Variants in EXOC4 observed in about 807,000 individuals in gnomAD.
EXOC4 encodes the protein exocyst complex component 4.
Under a neutral mutation model 107.2 loss-of-function variants are expected in EXOC4, and 71 were observed. The observed-to-expected ratio is 0.66, with a 90% CI of 0.55 to 0.81. The LOEUF is 0.81. Among genes scored for constraint, EXOC4 ranks in the 30% least tolerant of loss-of-function variants. The pLI, the probability that EXOC4 is intolerant of heterozygous loss-of-function variation, is 0.00. For synonymous variants in EXOC4, 456 were observed against 441.2 expected (o/e 1.03, Z -0.42); for missense variants, 1,108 against 1,189.6 (o/e 0.93, Z 1.01).
the EXOC4 span, among the ~76,000 whole-genome samples, chr7:134,098,118 A>G: frequency 6.6e-6 from 1 of 152,186 alleles, no homozygotes; most frequent in African/African-American, 2.4e-5. Context: ...CTTTTCAACC[A>G]AGATCCCTGC....
chr7:133,751,469 A>C (rs540469896), intron 10 of EXOC4, among the ~76,000 whole-genome samples: 4 of 152,328 alleles, frequency 2.6e-5, no homozygotes, highest in African/African-American at 9.6e-5. Flanking sequence ...ATTTGTCAGC[A>C]TGTAAGGGGG....
intron 7 of EXOC4, among the ~76,000 whole-genome samples, chr7:133,466,840 T>G (rs1798741171): frequency 6.6e-6 from 1 of 152,116 alleles, no homozygotes; most frequent in Non-Finnish European, 1.5e-5. Context: ...ATTTTAAAAG[T>G]CAATGTATTA....
At chr7:133,286,824 C>T (rs1318411923) in intron 2 of EXOC4, among the ~76,000 whole-genome samples, 1 of 152,188 alleles carries the variant, frequency 6.6e-6, no homozygotes, top group Non-Finnish European at 1.5e-5. Context: ...CTCCTGTTTT[C>T]TGTGCAGTGT....
intron 11 of EXOC4, among the ~76,000 whole-genome samples, chr7:133,870,842 C>T (rs903053300): frequency 2.0e-5 from 3 of 152,202 alleles, no homozygotes; most frequent in Non-Finnish European, 2.9e-5. Context: ...TTCATAAGCT[C>T]TGTCATTTTT....
intron 9 of EXOC4, chr7:133,484,300 G>A (rs1584952249): frequency 1.2e-6 from 1 of 838,620 alleles, no homozygotes; most frequent in South Asian, 2.3e-5. Flanking sequence ...CTGCGGAGAT[G>A]TGGGTGCTGC....
intron 4 of EXOC4, among the ~76,000 whole-genome samples, chr7:133,315,754 A>C (rs1794977241): frequency 6.6e-6 from 1 of 152,154 alleles, no homozygotes; most frequent in Non-Finnish European, 1.5e-5. Context: ...ATTCCTGGTA[A>C]ATGCTTTCTG....
chr7:133,723,136 C>T (rs1275983216), intron 10 of EXOC4, among the ~76,000 whole-genome samples: 1 of 152,196 alleles, frequency 6.6e-6, no homozygotes, highest in African/African-American at 2.4e-5. Context: ...ATTTGTGCTA[C>T]ATGTCTGTTG....
At chr7:133,523,046 C>T (rs974669273) in intron 9 of EXOC4, among the ~76,000 whole-genome samples, 6 of 152,084 alleles carry the variant, frequency 3.9e-5, no homozygotes, top group Non-Finnish European at 7.3e-5. Context: ...AGAAATACAT[C>T]GAAAGCTGTA....
At chr7:133,868,359 A>T (rs1170350743) in intron 11 of EXOC4, among the ~76,000 whole-genome samples, 1 of 152,166 alleles carries the variant, frequency 6.6e-6, no homozygotes, top group Non-Finnish European at 1.5e-5. Context: ...GGTAGAAGAG[A>T]GGTGGGAATT....
intron 10 of EXOC4, among the ~76,000 whole-genome samples, chr7:133,706,471 T>G (rs1162382543): frequency 6.6e-6 from 1 of 152,190 alleles, no homozygotes; most frequent in Non-Finnish European, 1.5e-5. Flanking sequence ...CTAAGAGCCC[T>G]CTCTGATAGG....
At chr7:133,954,691 C>G (rs1337723295) in intron 14 of EXOC4, among the ~76,000 whole-genome samples, 1 of 152,224 alleles carries the variant, frequency 6.6e-6, no homozygotes, top group Admixed American at 6.5e-5. Flanking sequence ...CCACTGGGCT[C>G]ACTTGACCTG....
At chr7:133,320,290 G>T (rs932850427) in intron 5 of EXOC4, among the ~76,000 whole-genome samples, 18 of 152,166 alleles carry the variant, frequency 1.2e-4, no homozygotes, top group African/African-American at 4.1e-4. Flanking sequence ...TAAAATCAAG[G>T]TGTTGGCAGG....
intron 5 of EXOC4, among the ~76,000 whole-genome samples, chr7:133,330,868 G>C (rs1241129493): frequency 2.0e-5 from 3 of 151,944 alleles, no homozygotes; most frequent in Non-Finnish European, 2.9e-5. Context: ...GATCTCACTG[G>C]GAGCTGCAAA....
intron 11 of EXOC4, among the ~76,000 whole-genome samples, chr7:133,864,605 G>T (rs575302582): frequency 6.6e-6 from 1 of 152,100 alleles, no homozygotes; most frequent in African/African-American, 2.4e-5. Context: ...TGACTTTTAC[G>T]ACATTTACAT....
At chr7:133,646,484 C>G (rs569784437) in intron 10 of EXOC4, among the ~76,000 whole-genome samples, 1 of 151,560 alleles carries the variant, frequency 6.6e-6, no homozygotes, top group Non-Finnish European at 1.5e-5. Context: ...TAAGCTTTTT[C>G]AAATGGCCTT....
chr7:133,688,089 A>C (rs1274069416), intron 10 of EXOC4, among the ~76,000 whole-genome samples: 1 of 152,162 alleles, frequency 6.6e-6, no homozygotes, highest in African/African-American at 2.4e-5. Context: ...TTGAACTCAG[A>C]GTTAAAATCG....
intron 7 of EXOC4, among the ~76,000 whole-genome samples, chr7:133,386,829 T>G (rs1796738076): frequency 6.6e-6 from 1 of 151,992 alleles, no homozygotes; most frequent in South Asian, 2.1e-4. Context: ...AGGAGAGTTT[T>G]TTTTTTTGTG....
At chr7:133,331,489 T>C (rs1255091369) in intron 5 of EXOC4, among the ~76,000 whole-genome samples, 2 of 127,378 alleles carry the variant, frequency 1.6e-5, no homozygotes, top group East Asian at 2.3e-4. Flanking sequence ...TTTTTTGAGA[T>C]GGAGTCTCGC....
intron 10 of EXOC4, among the ~76,000 whole-genome samples, chr7:133,781,925 T>C (rs1391823951): frequency 6.6e-6 from 1 of 152,234 alleles, no homozygotes; most frequent in Non-Finnish European, 1.5e-5. Flanking sequence ...AAAAAAGTTT[T>C]TATTGTGTCA....
Sources: allele counts gnomAD v4.1 joint callset (sites outside exome capture counted in the v4.1 genomes callset), GRCh38; gene constraint gnomAD v4.1.1; transcripts MANE v1.5; gene names NCBI Gene and HGNC (gene_info 2026-07-23, HGNC 2026-07-21).